The following ATP8B4 variants were observed in gnomAD, a reference collection of about 807,000 sequenced individuals.
The protein encoded by ATP8B4 is ATPase phospholipid transporting 8B4 (putative).
In ATP8B4, 133 loss-of-function variants were observed where a neutral mutation model predicts 145.6. That is an observed-to-expected ratio of 0.91 (90% CI 0.79 to 1.05). The LOEUF (loss-of-function observed/expected upper bound fraction) is 1.05, where lower values mean the gene tolerates loss of function less well. Ranked by LOEUF, ATP8B4 falls within the 50% of genes least tolerant of loss-of-function variation. ATP8B4 has a pLI of 0.00. For missense variants in ATP8B4, 1,458 were observed against 1,425.2 expected (o/e 1.02, Z -0.37); for synonymous variants, 507 against 492.9 (o/e 1.03, Z -0.38).
intron 14 of ATP8B4, among the ~76,000 whole-genome samples, chr15:49,952,616 T>C (rs1346892888): frequency 6.6e-6 from 1 of 152,192 alleles, no homozygotes; most frequent in Non-Finnish European, 1.5e-5. Flanking sequence ...TCAAGATTCT[T>C]AGGTTCTTTG....
intron 2 of ATP8B4, among the ~76,000 whole-genome samples, chr15:50,083,771 T>C (rs1444941101): frequency 2.0e-5 from 3 of 152,336 alleles, no homozygotes; most frequent in South Asian, 4.1e-4. Context: ...TGAATCCATA[T>C]GGCAATTAAT....
chr15:49,959,094 G>A (rs1420881394), intron 14 of ATP8B4, among the ~76,000 whole-genome samples: 1 of 151,814 alleles, frequency 6.6e-6, no homozygotes, highest in Non-Finnish European at 1.5e-5. Context: ...ATAGAATCTA[G>A]TAGCATATTA....
intron 23 of ATP8B4, among the ~76,000 whole-genome samples, chr15:49,884,377 G>A (rs1230633221): frequency 2.6e-5 from 4 of 152,018 alleles, no homozygotes; most frequent in Non-Finnish European, 4.4e-5. Flanking sequence ...GAGGCTAGTG[G>A]ATCACTTGAG....
intron 2 of ATP8B4, among the ~76,000 whole-genome samples, chr15:50,087,075 TAG>T (rs2055203886): frequency 8.8e-6 from 1 of 114,008 alleles, no homozygotes; most frequent in Non-Finnish European, 1.6e-5. Flanking sequence ...TAAAATAATA[TAG>T]AGATCTATAT....
chr15:50,159,970 T>A (rs2044490774), intron 1 of ATP8B4, among the ~76,000 whole-genome samples: 1 of 151,262 alleles, frequency 6.6e-6, no homozygotes, highest in African/African-American at 2.4e-5. Flanking sequence ...GGATTGATAT[T>A]GGTTCTTCTT....
At chr15:50,004,092 C>T (rs2048122736) in intron 7 of ATP8B4, among the ~76,000 whole-genome samples, 2 of 152,202 alleles carry the variant, frequency 1.3e-5, no homozygotes, top group African/African-American at 4.8e-5. Context: ...AACCTTCCTC[C>T]TGCTTTCCTA....
chr15:50,006,489 C>CAAAAAAAAAAAAAAAAAAA (rs750033683), intron 7 of ATP8B4, among the ~76,000 whole-genome samples: 1 of 47,858 alleles, frequency 2.1e-5, no homozygotes, highest in Non-Finnish European at 4.5e-5. Context: ...ATGAGACCAC[C>CAAAAAAAAAAAAAAAAAAA]AAAAAAAAAA....
intron 7 of ATP8B4, among the ~76,000 whole-genome samples, chr15:50,007,323 T>A (rs1215792242): frequency 6.6e-6 from 1 of 152,180 alleles, no homozygotes; most frequent in Non-Finnish European, 1.5e-5. Context: ...AGCCCCTAAC[T>A]CTGGTAGCCC....
intron 23 of ATP8B4, among the ~76,000 whole-genome samples, chr15:49,889,195 G>A (rs537652926): frequency 6.6e-6 from 1 of 152,102 alleles, no homozygotes; most frequent in Non-Finnish European, 1.5e-5. Flanking sequence ...AGTAGGCAGA[G>A]CGCTGAAGTG....
chr15:50,117,062 T>A (rs2057177919), intron 1 of ATP8B4, among the ~76,000 whole-genome samples: 1 of 150,228 alleles, frequency 6.7e-6, no homozygotes, highest in African/African-American at 2.5e-5. Context: ...TTATTTATTT[T>A]TTTGTGGAGA....
rs139860154 is a variant in ATP8B4 at position 49,862,922 on chromosome 15, G to A, written c.3167-547C>T. On this transcript the variant is annotated intron_variant, in intron 26 of 27. Coordinates refer to ENST00000284509, the MANE Select transcript of ATP8B4 (RefSeq NM_024837.4). The stretch of plus-strand genomic sequence containing the variant: ...CCAGGCTCAGTCTAATATCACTCAC[G>A]GAGCACAATTCTCTCTTCCAGCATC... 2.0e-4 allele frequency among the ~76,000 whole-genome samples: 30 copies of A among 152,240 alleles called. No individual in the cohort carries two copies. The East Asian group carries it at 5.6e-3, about 28-fold the overall frequency.
chr15:49,986,881 T>C (rs1294518377), intron 10 of ATP8B4, among the ~76,000 whole-genome samples: 3 of 97,774 alleles, frequency 3.1e-5, no homozygotes, highest in Non-Finnish European at 5.5e-5. Context: ...ACCCCCATCA[T>C]GCACAGTCTT....
chr15:49,871,966 G>A (rs982631805), intron 25 of ATP8B4, among the ~76,000 whole-genome samples: 3 of 152,174 alleles, frequency 2.0e-5, no homozygotes, highest in African/African-American at 7.2e-5. Flanking sequence ...ATAAGGTATA[G>A]GGAACTTCAA....
chr15:50,178,017 G>C (rs59690694), intron 1 of ATP8B4, among the ~76,000 whole-genome samples: 13,693 of 152,178 alleles, frequency 0.09, 807 homozygotes, highest in Middle Eastern at 0.15. Context: ...AGGGATGAAC[G>C]TCCTGACCAA....
intron 3 of ATP8B4, among the ~76,000 whole-genome samples, chr15:50,051,250 A>G (rs1216121706): frequency 1.3e-5 from 2 of 152,182 alleles, no homozygotes; most frequent in East Asian, 3.8e-4. Context: ...GTGAAGAAGG[A>G]CGTGTTTGCT....
chr15:49,960,598 T>C lies in ATP8B4; in HGVS notation c.1287+1379A>G, dbSNP rs530464642. On this transcript the variant is annotated intron_variant, in intron 14 of 27. Coordinates refer to ENST00000284509, the MANE Select transcript of ATP8B4 (RefSeq NM_024837.4). ...TAAAACATTAACTCTATAATGATGGTGTGCTTTATATCTAAGGCATAAACC... is the reference window on the plus strand; with the variant it reads ...TAAAACATTAACTCTATAATGATGGCGTGCTTTATATCTAAGGCATAAACC... 2.7e-3 allele frequency among the ~76,000 whole-genome samples: 407 copies of C among 152,296 alleles called. 1 individual carries two copies. The highest frequency in any genetic ancestry group is 3.7e-3 in the Non-Finnish European group (249 of 68,020).
chr15:50,159,332 G>C (rs1470949890), intron 1 of ATP8B4, among the ~76,000 whole-genome samples: 1 of 152,078 alleles, frequency 6.6e-6, no homozygotes, highest in Non-Finnish European at 1.5e-5. Flanking sequence ...ACTGATTTTT[G>C]TGTGTTGATT....
chr15:50,117,166 C>G (rs1317212230), intron 1 of ATP8B4, among the ~76,000 whole-genome samples: 1 of 152,196 alleles, frequency 6.6e-6, no homozygotes, highest in Non-Finnish European at 1.5e-5. Context: ...TCTCCTGCCT[C>G]AGCCTCCTGA....
At position 50,017,953 on chromosome 15, in the gene ATP8B4, A is replaced by C. The variant is rs144212587; in HGVS notation, c.363-7036T>G. Among the ~76,000 whole-genome samples the C allele has an allele frequency of 3.7e-3, 569 of 152,048 alleles. 7 individuals are homozygous for C. The highest frequency in any genetic ancestry group is 0.013 in the African/African-American group (536 of 41,492). ...TAATGTTTATCATCCCTAGTTCCTC[A>C]AAAATGGGATAGCACATAAGTCGAA... On this transcript the variant is annotated intron_variant, in intron 6 of 27. Coordinates refer to ENST00000284509, the MANE Select transcript of ATP8B4 (RefSeq NM_024837.4).
Sources: gnomAD v4.1 joint callset for allele counts (sites outside exome capture counted in the v4.1 genomes callset) on GRCh38, gnomAD v4.1.1 for gene constraint, MANE v1.5 for transcripts, NCBI Gene and HGNC (gene_info 2026-07-23, HGNC 2026-07-21) for gene names.